STK39: variants seen among roughly 807,000 people sequenced by gnomAD.
The protein encoded by STK39 is serine/threonine kinase 39.
A neutral mutation model predicts 77.8 loss-of-function variants in STK39; 20 were observed. The observed-to-expected ratio is 0.26, with a 90% CI of 0.18 to 0.37. The LOEUF is 0.37. STK39 is among the 10% of genes least tolerant of loss of function. The pLI is 1.00. For missense variants in STK39, 479 were observed against 656.5 expected (o/e 0.73, Z 2.95); for synonymous variants, 246 against 234.1 (o/e 1.05, Z -0.47).
At chr2:167,994,809 G>C (rs1683791018) in intron 16 of STK39, among the ~76,000 whole-genome samples, 1 of 151,972 alleles carries the variant, frequency 6.6e-6, no homozygotes, top group Non-Finnish European at 1.5e-5. Flanking sequence ...TTAGTTTTAG[G>C]GCTCCCTGGA....
At chr2:168,112,472 C>A (rs1226358818) in intron 10 of STK39, among the ~76,000 whole-genome samples, 2 of 151,992 alleles carry the variant, frequency 1.3e-5, no homozygotes, top group African/African-American at 2.4e-5. Flanking sequence ...TAGCTCTTCT[C>A]CCTTCTCTCT....
At chr2:168,141,683 T>A (rs1389205364) in intron 5 of STK39, among the ~76,000 whole-genome samples, 53 of 152,240 alleles carry the variant, frequency 3.5e-4, no homozygotes, top group Admixed American at 3.5e-3. Context: ...TGGGTAGTAA[T>A]AAAAACAGGT....
intron 10 of STK39, among the ~76,000 whole-genome samples, chr2:168,119,424 T>C (rs1442111703): frequency 6.6e-6 from 1 of 152,226 alleles, no homozygotes; most frequent in East Asian, 1.9e-4. Context: ...TGTTTGTTTC[T>C]GACACGAATT....
intron 5 of STK39, among the ~76,000 whole-genome samples, chr2:168,150,127 A>G (rs1688241622): frequency 6.6e-6 from 1 of 152,242 alleles, no homozygotes; most frequent in South Asian, 2.1e-4. Context: ...GCACTACTCT[A>G]GATTACTGTC....
chr2:167,978,073 A>AC (rs1381356276), intron 16 of STK39, among the ~76,000 whole-genome samples: 7 of 152,160 alleles, frequency 4.6e-5, no homozygotes, highest in Admixed American at 4.6e-4. Context: ...AGTTTGGGTG[A>AC]TGCCAGCTGG....
chr2:167,998,394 G>A (rs1352344533), intron 16 of STK39, among the ~76,000 whole-genome samples: 1 of 152,188 alleles, frequency 6.6e-6, no homozygotes, highest in Non-Finnish European at 1.5e-5. Flanking sequence ...GTTTGCTTTA[G>A]CCCAATGAAC....
chr2:168,174,848 A>C (rs1184888463), intron 2 of STK39, among the ~76,000 whole-genome samples: 2 of 151,620 alleles, frequency 1.3e-5, no homozygotes, highest in Admixed American at 1.3e-4. Context: ...AAAAAAAAAA[A>C]AAAACACCCA....
At chr2:168,125,424 C>T (rs1227556757) in intron 10 of STK39, among the ~76,000 whole-genome samples, 1 of 152,102 alleles carries the variant, frequency 6.6e-6, no homozygotes, top group Admixed American at 6.6e-5. Flanking sequence ...GCCTTTTATT[C>T]TCATGCACAA....
intron 16 of STK39, among the ~76,000 whole-genome samples, chr2:167,999,684 G>C (rs545572275): frequency 6.6e-6 from 1 of 152,044 alleles, no homozygotes; most frequent in Non-Finnish European, 1.5e-5. Flanking sequence ...GGATGGTCTC[G>C]ATTTCCTGAC....
chr2:168,050,021 C>G (rs1243254659), intron 14 of STK39, among the ~76,000 whole-genome samples: 1 of 152,212 alleles, frequency 6.6e-6, no homozygotes, highest in African/African-American at 2.4e-5. Context: ...AGTAATCCCT[C>G]TTATCAGCTG....
intron 10 of STK39, among the ~76,000 whole-genome samples, chr2:168,097,985 T>G (rs1361013841): frequency 6.6e-6 from 1 of 152,220 alleles, no homozygotes; most frequent in Non-Finnish European, 1.5e-5. Context: ...TAATAGAAGC[T>G]AAATGATTTT....
chr2:168,169,467 T>G (rs1688768993), intron 2 of STK39, among the ~76,000 whole-genome samples: 1 of 152,168 alleles, frequency 6.6e-6, no homozygotes, highest in Admixed American at 6.5e-5. Context: ...TTTAAATAAT[T>G]TATCAAAATG....
intron 5 of STK39, among the ~76,000 whole-genome samples, chr2:168,143,628 C>T (rs751727492): frequency 2.6e-5 from 4 of 152,014 alleles, no homozygotes; most frequent in Non-Finnish European, 4.4e-5. Flanking sequence ...GCGGGGGAAT[C>T]GCTTGAACCC....
chr2:168,188,980 C>T (rs1401900076), intron 1 of STK39, among the ~76,000 whole-genome samples: 1 of 152,204 alleles, frequency 6.6e-6, no homozygotes, highest in Non-Finnish European at 1.5e-5. Context: ...CCTAAGTGAC[C>T]TGGCTTGTGT....
intron 16 of STK39, among the ~76,000 whole-genome samples, chr2:168,008,432 G>C (rs1299411113): frequency 1.3e-5 from 2 of 152,188 alleles, no homozygotes; most frequent in Non-Finnish European, 2.9e-5. Context: ...TGCCTATGAA[G>C]AGTCTAAGAT....
chr2:168,166,550 C>T (rs1688697721), intron 3 of STK39, among the ~76,000 whole-genome samples: 2 of 152,200 alleles, frequency 1.3e-5, no homozygotes. Flanking sequence ...ACTGAAACCA[C>T]ATTTAGTGAG....
rs150883225 is a variant in STK39 at position 168,007,825 on chromosome 2, G to A, written c.1498+4809C>T. On this transcript the variant is annotated intron_variant, in intron 16 of 17. Transcript: ENST00000355999. ...GGACTGGAAGCCATGGTGATTGTGG[G>A]TGGAGAACCACTGCAGAGTTTTGAT... is the stretch of plus-strand genomic sequence containing the variant. 6.1e-3 allele frequency among the ~76,000 whole-genome samples: 934 copies of A among 152,282 alleles called. 9 individuals are homozygous for A. Among genetic ancestry groups the A allele is most frequent in the Non-Finnish European group, 7.6e-3 (520 of 68,024 alleles).
At chr2:167,990,376 C>T (rs1005719473) in intron 16 of STK39, among the ~76,000 whole-genome samples, 8 of 152,176 alleles carry the variant, frequency 5.3e-5, no homozygotes, top group African/African-American at 1.9e-4. Flanking sequence ...CATAGGTCTA[C>T]AGTGTGCTGT....
intron 1 of STK39, among the ~76,000 whole-genome samples, chr2:168,216,711 A>T (rs1352186113): frequency 6.6e-6 from 1 of 152,242 alleles, no homozygotes; most frequent in Non-Finnish European, 1.5e-5. Context: ...AGAAGACATT[A>T]TTCGTGTGCT....
Sources: allele counts gnomAD v4.1 joint callset (sites outside exome capture counted in the v4.1 genomes callset), GRCh38; gene constraint gnomAD v4.1.1; transcripts MANE v1.5; gene names NCBI Gene and HGNC (gene_info 2026-07-23, HGNC 2026-07-21).